Variants in OGA observed in about 807,000 individuals in gnomAD.
OGA encodes protein O-GlcNAcase.
In OGA, 21 loss-of-function variants were observed where a neutral mutation model predicts 102.0. The ratio of observed to expected loss-of-function variants is 0.21; its 90% CI spans 0.15 to 0.30. The LOEUF (loss-of-function observed/expected upper bound fraction) is 0.30. Among genes scored for constraint, OGA ranks in the 10% least tolerant of loss-of-function variants. The pLI is 1.00. For synonymous variants in OGA, 408 were observed against 378.2 expected, an observed-to-expected ratio of 1.08 and a Z score of -0.91; for missense variants, 765 against 1,107.8, an observed-to-expected ratio of 0.69 and a Z score of 4.39.
chr10:101,809,453 C>T (rs561973529), intron 4 of OGA, among the ~76,000 whole-genome samples: 1 of 152,156 alleles, frequency 6.6e-6, no homozygotes, highest in South Asian at 2.1e-4. Flanking sequence ...CACTGGCGCA[C>T]GACTGTAATC....
chr10:101,796,977 A>T (rs1353252238), intron 10 of OGA: 1 of 152,188 alleles, frequency 6.6e-6, no homozygotes, highest in African/African-American at 2.4e-5. Flanking sequence ...TTTTCAAATT[A>T]ACAATCTGAG....
intron 11 of OGA, chr10:101,793,631 C>T: frequency 3.6e-6 from 1 of 274,256 alleles, no homozygotes; most frequent in Non-Finnish European, 7.1e-6. Context: ...TTGTGCATTG[C>T]GGGCGCAGAT....
At chr10:101,787,790 T>C in intron 14 of OGA, 1 of 342,928 alleles carries the variant, frequency 2.9e-6, no homozygotes, top group Non-Finnish European at 5.5e-6. Flanking sequence ...CTTTCCCTAT[T>C]TATATCGTCA....
chr10:101,791,641 G>C (rs1165198650), intron 12 of OGA, among the ~76,000 whole-genome samples: 1 of 152,172 alleles, frequency 6.6e-6, no homozygotes, highest in Admixed American at 6.5e-5. Flanking sequence ...CAAGGTTTTA[G>C]GAATACTGAG....
intron 7 of OGA, 61 bp downstream of exon 7, chr10:101,803,674 A>T: frequency 1.4e-6 from 2 of 1,459,794 alleles, no homozygotes; most frequent in Non-Finnish European, 1.9e-6. Flanking sequence ...CATACTTTCC[A>T]CTGGCTCTAG....
At chr10:101,795,828 AACTC>A (rs1420210635) in intron 10 of OGA, 3 of 814,534 alleles carry the variant, frequency 3.7e-6, no homozygotes, top group Non-Finnish European at 4.4e-6. Context: ...AAAATAAAAA[AACTC>A]ACAATGTTTT....
At position 101,818,291 on chromosome 10, in the gene OGA, C is replaced by A. The variant is rs900260826; in HGVS notation, c.-269G>T. On this transcript the variant is annotated 5_prime_UTR_variant, in exon 1 of 16. Coordinates refer to ENST00000361464, the MANE Select transcript of OGA (RefSeq NM_012215.5). ...GCCTAAGCGGAGAGCGAGGCTGTGACCTCTCGTTCCCTGGAAGAAGACGGC... is the reference window on the plus strand; with the variant it reads ...GCCTAAGCGGAGAGCGAGGCTGTGAACTCTCGTTCCCTGGAAGAAGACGGC... 9 of 1,242,602 alleles carry A rather than the reference C, an allele frequency of 7.2e-6. No individual in the cohort carries two copies. The East Asian group carries it at 3.1e-4, about 43-fold the overall frequency. 77.0% of individuals were successfully genotyped at this position (1,242,602 alleles called of 1,614,324 possible).
intron 15 of OGA, among the ~76,000 whole-genome samples, chr10:101,786,898 G>A (rs1040453219): frequency 6.6e-6 from 1 of 152,206 alleles, no homozygotes; most frequent in Non-Finnish European, 1.5e-5. Flanking sequence ...CTCCCGAGTA[G>A]CTGGGATTAC....
rs1279399141 is a variant in OGA at position 101,817,936 on chromosome 10, C to A, written c.87G>T (p.Leu29=). ...CGGGTGCCGGAGCTGCCGGCGGCTC[C>A]AGCGATGCCCCCGCAGAGGCGGCAG... ...SNPAASAGAS[L]EPPAAPAPGE... The change falls in exon 1 of 16, where the codon CTG becomes CTT. Residue 29 remains leucine, a synonymous_variant. Transcript: ENST00000361464. 1.9e-6 allele frequency: 3 copies of A among 1,591,934 alleles called. No homozygotes were observed. The highest frequency in any genetic ancestry group is 1.7e-6 in the Non-Finnish European group (2 of 1,170,788).
intron 5 of OGA, among the ~76,000 whole-genome samples, chr10:101,806,610 A>C (rs2065477929): frequency 6.6e-6 from 1 of 152,240 alleles, no homozygotes; most frequent in Admixed American, 6.5e-5. Context: ...TTCCTCCAAC[A>C]GTAGTACAGA....
intron 1 of OGA, among the ~76,000 whole-genome samples, chr10:101,814,884 T>C (rs1226058258): frequency 3.3e-5 from 5 of 152,152 alleles, no homozygotes; most frequent in Non-Finnish European, 7.3e-5. Flanking sequence ...ACCTAAATGG[T>C]TGAATAAGCA....
At chr10:101,805,438 T>G (rs1162328255) in intron 6 of OGA, among the ~76,000 whole-genome samples, 1 of 151,430 alleles carries the variant, frequency 6.6e-6, no homozygotes, top group East Asian at 1.9e-4. Flanking sequence ...GCAGATCACC[T>G]GAGGTCGGGA....
intron 4 of OGA, among the ~76,000 whole-genome samples, 160 bp from the exon 5 acceptor site, chr10:101,808,061 A>G (rs1472636314): frequency 2.0e-5 from 3 of 152,224 alleles, no homozygotes; most frequent in Non-Finnish European, 4.4e-5. Flanking sequence ...CGTAAGTTAA[A>G]CAGTTTTGGG....
Position 101,798,831 on chromosome 10 carries a change from A to G in OGA, c.1809+11T>C. ...CCAGGCTTCAGCAGCAGGTACATTA[A>G]ACATACTCACTTTTTCAGAGTCTTT... On this transcript the variant is annotated intron_variant, in intron 9 of 15. Coordinates refer to ENST00000361464, the MANE Select transcript of OGA (RefSeq NM_012215.5). 1 of 1,606,140 alleles carries G rather than the reference A, an allele frequency of 6.2e-7. No homozygotes were observed. Among genetic ancestry groups the G allele is most frequent in the African/African-American group, 1.3e-5 (1 of 74,838 alleles).
chr10:101,806,226 G>C, intron 5 of OGA, 83 bp from the exon 6 acceptor site: 13 of 851,912 alleles, frequency 1.5e-5, no homozygotes, highest in Non-Finnish European at 2.5e-5. Flanking sequence ...CTTTGAGACG[G>C]AGTCTCACTC....
chr10:101,796,245 T>C (rs539926855), intron 10 of OGA, among the ~76,000 whole-genome samples: 1 of 152,234 alleles, frequency 6.6e-6, no homozygotes, highest in African/African-American at 2.4e-5. Context: ...GTCTCCCATG[T>C]ACAGGAGCTA....
At chr10:101,814,505 C>G (rs1002621260) in intron 1 of OGA, among the ~76,000 whole-genome samples, 2 of 152,164 alleles carry the variant, frequency 1.3e-5, no homozygotes, top group Non-Finnish European at 2.9e-5. Flanking sequence ...AGGAGAACTG[C>G]TTGAATCCAG....
At position 101,812,291 on chromosome 10, in the gene OGA, C is replaced by T. The variant is rs182466742; in HGVS notation, c.349+739G>A. Among the ~76,000 whole-genome samples the T allele has an allele frequency of 7.9e-5, 12 of 152,252 alleles. No homozygotes were observed. The East Asian group carries it at 2.3e-3, about 29-fold the overall frequency. On this transcript the variant is annotated intron_variant, in intron 3 of 15. Transcript: ENST00000361464. ...GCACAGGAGCTCAAGCCTGTAATCC[C>T]AGCACTTTGGGAGGCTGAGGCAGCA...
intron 10 of OGA, chr10:101,797,260 G>A (rs2065328150): frequency 2.0e-5 from 3 of 151,788 alleles, no homozygotes; most frequent in Non-Finnish European, 4.4e-5. Flanking sequence ...CCTTATAGCT[G>A]GATTGAAAAC....
Sources: allele counts gnomAD v4.1 joint callset (sites outside exome capture counted in the v4.1 genomes callset), GRCh38; gene constraint gnomAD v4.1.1; transcripts MANE v1.5; gene names NCBI Gene and HGNC (gene_info 2026-07-23, HGNC 2026-07-21).